Variants in ZNF141 observed in about 807,000 individuals in gnomAD.
ZNF141 encodes the protein zinc finger protein 141 (clone pHZ-44).
A neutral mutation model predicts 11.3 loss-of-function variants in ZNF141; 7 were observed. The observed-to-expected ratio is 0.62, with a 90% CI of 0.35 to 1.16. The LOEUF is 1.16. Among genes scored for constraint, ZNF141 ranks in the 50% most tolerant of loss-of-function variants. ZNF141 has a pLI of 0.02. For missense variants in ZNF141, 535 were observed against 554.0 expected (o/e 0.97, Z 0.34); for synonymous variants, 183 against 190.7 (o/e 0.96, Z 0.33).
In ZNF141 at chr4:376,520, T is replaced by C. The variant is rs1213186346; in HGVS notation, c.*2658T>C. ...TTATGATTGTAGTATTATATCAGTA[T>C]AATTATAATTCATACATTTATGCAT... On this transcript the variant is annotated 3_prime_UTR_variant, in exon 4 of 4. Transcript: ENST00000240499. Among the ~76,000 whole-genome samples, 1 of 152,110 alleles carries C rather than the reference T, an allele frequency of 6.6e-6. No individual in the cohort carries two copies. Among genetic ancestry groups the C allele is most frequent in the Non-Finnish European group, 1.5e-5 (1 of 67,934 alleles).
chr4:345,709 CAA>C (rs1721288306), intron 3 of ZNF141, among the ~76,000 whole-genome samples: 1 of 94,620 alleles, frequency 1.1e-5, no homozygotes, highest in Non-Finnish European at 2.0e-5. Flanking sequence ...GCCTGGGCAA[CAA>C]GAGTGAAACT....
At chr4:345,785 A>C (rs1553849433) in intron 3 of ZNF141, among the ~76,000 whole-genome samples, 1 of 151,942 alleles carries the variant, frequency 6.6e-6, no homozygotes, top group African/African-American at 2.4e-5. Context: ...CCTCCACCAC[A>C]GAAGATAAGC....
rs3833613 is a variant in ZNF141, at chr4:344,322, TA to T, written c.131-9del. ...TCAATAGTCATGTTATTATTTTTTT[TA>T]AAATAAAACAGGTGTTGCTATCTCT... On this transcript the variant is annotated splice_polypyrimidine_tract_variant and intron_variant, in intron 2 of 3. Coordinates refer to ENST00000240499, the MANE Select transcript of ZNF141 (RefSeq NM_003441.4). 1 of 1,598,852 alleles carries T rather than the reference TA, an allele frequency of 6.3e-7. No individual in the cohort carries two copies. Among genetic ancestry groups the T allele is most frequent in the Non-Finnish European group, 8.6e-7 (1 of 1,169,016 alleles).
In ZNF141 at chr4:373,747, T is replaced by C; in HGVS notation, c.1310T>C (p.Leu437Pro). The change falls in exon 4 of 4, where the codon CTC becomes CCC. Residue 437 changes from leucine (L) to proline (P), a missense_variant. Coordinates refer to ENST00000240499, the MANE Select transcript of ZNF141 (RefSeq NM_003441.4). ...GACAAAGCCTTTAAACAATTTTCGC[T>C]CCTGAGTCAACATAAGAAAATTCAT... is the stretch of plus-strand genomic sequence containing the variant. The part of the protein sequence containing the change: ...ECDKAFKQFS[L>P]LSQHKKIHTV... The C allele has an allele frequency of 2.5e-6, 4 of 1,613,846 alleles. No individual in the cohort carries two copies. The highest frequency in any genetic ancestry group is 3.4e-6 in the Non-Finnish European group (4 of 1,179,938).
rs1394131565 is a variant in ZNF141, at chr4:337,933, G to A, written c.-51G>A. 2 of 1,611,080 alleles carry A rather than the reference G, an allele frequency of 1.2e-6. No individual in the cohort carries two copies. The highest frequency in any genetic ancestry group is 2.2e-5 in the East Asian group (1 of 44,742). ...AGCCTCCGTCGCTCTGTGACCTGCG[G>A]GTATTGGATGATTGGTAGCTAAGAC... is the stretch of plus-strand genomic sequence containing the variant. On this transcript the variant is annotated 5_prime_UTR_variant, in exon 1 of 4. Coordinates refer to ENST00000240499, the MANE Select transcript of ZNF141 (RefSeq NM_003441.4).
At chr4:353,339 C>T (rs1403000118) in intron 3 of ZNF141, among the ~76,000 whole-genome samples, 2 of 149,688 alleles carry the variant, frequency 1.3e-5, no homozygotes, top group Non-Finnish European at 3.0e-5. Context: ...CATGCCAGTG[C>T]ACTCCAGCCT....
At position 381,516 on chromosome 4, in the gene ZNF141, T is replaced by C. The variant is rs1163000739; in HGVS notation, c.*7654T>C. Among the ~76,000 whole-genome samples the C allele has an allele frequency of 2.0e-5, 3 of 149,686 alleles. No homozygotes were observed. Among genetic ancestry groups the C allele is most frequent in the Non-Finnish European group, 4.4e-5 (3 of 67,698 alleles). On this transcript the variant is annotated 3_prime_UTR_variant, in exon 4 of 4. Transcript: ENST00000240499. The stretch of plus-strand genomic sequence containing the variant: ...CTCCGCCTCCTGGGTTCACACAATT[T>C]GCCTGCCTCAGCCCCCTGAGTAGCT...
At chr4:363,012 A>G (rs1314583969) in intron 3 of ZNF141, among the ~76,000 whole-genome samples, 2 of 152,234 alleles carry the variant, frequency 1.3e-5, no homozygotes, top group South Asian at 2.1e-4. Flanking sequence ...ATCCATGAGC[A>G]TGGAATGTTG....
Position 373,325 on chromosome 4 carries a change from A to G in ZNF141, c.888A>G (p.Ser296=). ...EECRKIFTSS[S]NFAKHKRIHT... is the part of the protein sequence containing the mutation. ...GTAGGAAAATCTTTACCTCATCCTC[A>G]AACTTTGCCAAACATAAGCGAATTC... The change falls in exon 4 of 4, where the codon TCA becomes TCG. Residue 296 remains serine, a synonymous_variant. Coordinates refer to ENST00000240499, the MANE Select transcript of ZNF141 (RefSeq NM_003441.4). The G allele has an allele frequency of 1.9e-6, 3 of 1,614,014 alleles. No individual in the cohort carries two copies. The highest frequency in any genetic ancestry group is 1.7e-6 in the Non-Finnish European group (2 of 1,179,926).
In ZNF141 at chr4:380,224, C is replaced by A. The variant is rs1473444567; in HGVS notation, c.*6362C>A. Among the ~76,000 whole-genome samples, 1 of 152,168 alleles carries A rather than the reference C, an allele frequency of 6.6e-6. No individual in the cohort carries two copies. The highest frequency in any genetic ancestry group is 1.5e-5 in the Non-Finnish European group (1 of 68,026). ...TACCACGTTTTTGGAAAAATACATT[C>A]ATTTCTTGGTTGAAAAACTCACGTG... On this transcript the variant is annotated 3_prime_UTR_variant, in exon 4 of 4. Coordinates refer to ENST00000240499, the MANE Select transcript of ZNF141 (RefSeq NM_003441.4).
chr4:373,948 G>T lies in ZNF141; in HGVS notation c.*86G>T. On this transcript the variant is annotated 3_prime_UTR_variant, in exon 4 of 4. Coordinates refer to ENST00000240499, the MANE Select transcript of ZNF141 (RefSeq NM_003441.4). ...AACATGAGAAAATTTATACTGTAGA[G>T]AAACCCTGGAAATGTGAAGAACGTG... is the stretch of plus-strand genomic sequence containing the variant. The T allele has an allele frequency of 8.3e-7, 1 of 1,205,026 alleles. No individual in the cohort carries two copies. The allele number at this position is 1,205,026 out of a possible 1,614,324, so 74.6% of individuals were successfully genotyped here.
chr4:355,803 A>G (rs1394846128), intron 3 of ZNF141, among the ~76,000 whole-genome samples: 1 of 152,220 alleles, frequency 6.6e-6, no homozygotes, highest in Non-Finnish European at 1.5e-5. Flanking sequence ...GATGTCCGAG[A>G]GCATGTCATT....
At chr4:366,523 C>T (rs1229400189) in intron 3 of ZNF141, among the ~76,000 whole-genome samples, 3 of 152,070 alleles carry the variant, frequency 2.0e-5, no homozygotes, top group Non-Finnish European at 4.4e-5. Flanking sequence ...AGGCTGCTCT[C>T]GAACTACTGA....
Position 374,205 on chromosome 4 carries a change from C to T in ZNF141, c.*343C>T. 1 of 324,820 alleles carries T rather than the reference C, an allele frequency of 3.1e-6. No homozygotes were observed. Among genetic ancestry groups the T allele is most frequent in the Non-Finnish European group, 5.9e-6 (1 of 169,780 alleles). The allele number at this position is 324,820 out of a possible 1,614,324, so 20.1% of individuals were successfully genotyped here. On this transcript the variant is annotated 3_prime_UTR_variant, in exon 4 of 4. Transcript: ENST00000240499. ...TAAGAAAAATCATGCTGGAGGGAAG[C>T]CCTACACATGTGGCAGAATGTGGCA...
At chr4:348,108 T>C (rs1273086045) in intron 3 of ZNF141, among the ~76,000 whole-genome samples, 1 of 152,150 alleles carries the variant, frequency 6.6e-6, no homozygotes, top group African/African-American at 2.4e-5. Flanking sequence ...CCTCCCAAAG[T>C]GCTGAGATTA....
chr4:351,827 G>A (rs1480097741), intron 3 of ZNF141, among the ~76,000 whole-genome samples: 1 of 152,178 alleles, frequency 6.6e-6, no homozygotes, highest in African/African-American at 2.4e-5. Context: ...CAGGGAAGGA[G>A]CCCTGGAAAG....
intron 1 of ZNF141, 52 bp from the exon 2 acceptor site, chr4:343,724 CAAAAAA>C (rs35268031): frequency 3.2e-4 from 284 of 875,142 alleles, no homozygotes; most frequent in Admixed American, 6.2e-4. Flanking sequence ...GACTCCGTCT[CAAAAAA>C]AAAAAAAAAA....
In ZNF141 at chr4:378,272, A is replaced by C. The variant is rs1363817904; in HGVS notation, c.*4410A>C. 6.7e-6 allele frequency: 1 copy of C among 149,586 alleles called. No homozygotes were observed. The highest frequency in any genetic ancestry group is 1.5e-5 in the Non-Finnish European group (1 of 67,002). The allele number at this position is 149,586 out of a possible 1,614,324, so 9.3% of individuals were successfully genotyped here. A position where few individuals can be genotyped will look rare whatever the true frequency, so the allele number is the denominator to read the frequency against. On this transcript the variant is annotated 3_prime_UTR_variant, in exon 4 of 4. Transcript: ENST00000240499. ...AACATTTTTCCATACAAAATCTTCT[A>C]TTTATTTATTTATTTTAGATGGAGC...
chr4:351,695 A>G (rs1164444631), intron 3 of ZNF141, among the ~76,000 whole-genome samples: 1 of 152,128 alleles, frequency 6.6e-6, no homozygotes, highest in Non-Finnish European at 1.5e-5. Context: ...GGAATCCGAG[A>G]CCTAAGCCTG....
Sources: allele counts gnomAD v4.1 joint callset (sites outside exome capture counted in the v4.1 genomes callset), GRCh38; gene constraint gnomAD v4.1.1; transcripts MANE v1.5; gene names NCBI Gene and HGNC (gene_info 2026-07-23, HGNC 2026-07-21).